DNAJC3: variants seen among roughly 807,000 people sequenced by gnomAD.
DNAJC3 encodes DnaJ heat shock protein family (Hsp40) member C3.
A neutral mutation model predicts 68.6 loss-of-function variants in DNAJC3; 38 were observed. The observed-to-expected ratio is 0.55, with a 90% CI of 0.43 to 0.73. The LOEUF (loss-of-function observed/expected upper bound fraction) is 0.73. Among genes scored for constraint, DNAJC3 ranks in the 30% least tolerant of loss-of-function variants. The pLI is 0.00. For synonymous variants in DNAJC3, 203 were observed against 204.0 expected (o/e 1.00, Z 0.04); for missense variants, 526 against 591.9 (o/e 0.89, Z 1.16).
intron 9 of DNAJC3, among the ~76,000 whole-genome samples, chr13:95,774,065 G>A (rs1159906533): frequency 2.0e-5 from 3 of 152,252 alleles, no homozygotes; most frequent in Admixed American, 1.3e-4. Context: ...CCAACTTCGG[G>A]ATTTGTTAAT....
chr13:95,736,553 G>T (rs1022236300), intron 4 of DNAJC3, among the ~76,000 whole-genome samples: 4 of 149,086 alleles, frequency 2.7e-5, no homozygotes, highest in African/African-American at 7.4e-5. Flanking sequence ...TTGTAAGTTG[G>T]ATTCCTAGGT....
chr13:95,736,603 T>C (rs553541617), intron 4 of DNAJC3, among the ~76,000 whole-genome samples: 2,007 of 151,908 alleles, frequency 0.013, 44 homozygotes, highest in African/African-American at 0.047. Flanking sequence ...GGGAGTTCAC[T>C]CATGATTTGG....
intron 4 of DNAJC3, among the ~76,000 whole-genome samples, chr13:95,732,130 G>A (rs1005170897): frequency 3.3e-5 from 5 of 152,106 alleles, no homozygotes; most frequent in Non-Finnish European, 7.4e-5. Context: ...ACATTGGCCT[G>A]TAGTTTTCTT....
At chr13:95,705,518 CTCTT>C (rs1275560601) in intron 1 of DNAJC3, among the ~76,000 whole-genome samples, 18 of 149,932 alleles carry the variant, frequency 1.2e-4, no homozygotes, top group Non-Finnish European at 2.2e-4. Flanking sequence ...CTCTCTCTCT[CTCTT>C]TTTTTTTTTT....
intron 1 of DNAJC3, among the ~76,000 whole-genome samples, chr13:95,705,217 T>A (rs1880699395): frequency 6.6e-6 from 1 of 152,128 alleles, no homozygotes; most frequent in Non-Finnish European, 1.5e-5. Context: ...TGTTCATGGG[T>A]CCATTGCACA....
chr13:95,688,872 T>C (rs1354988300), intron 1 of DNAJC3, among the ~76,000 whole-genome samples: 1 of 151,836 alleles, frequency 6.6e-6, no homozygotes, highest in Non-Finnish European at 1.5e-5. Context: ...CCACATATGT[T>C]TGCATATGTT....
At chr13:95,783,570 A>T (rs1883512570) in intron 9 of DNAJC3, among the ~76,000 whole-genome samples, 1 of 152,130 alleles carries the variant, frequency 6.6e-6, no homozygotes, top group African/African-American at 2.4e-5. Flanking sequence ...GAAGTTTTTT[A>T]TGTCCCTGTG....
At chr13:95,766,713 G>A (rs958173270) in intron 9 of DNAJC3, among the ~76,000 whole-genome samples, 5 of 123,654 alleles carry the variant, frequency 4.0e-5, no homozygotes, top group Non-Finnish European at 8.4e-5. Context: ...TTTTTTTTTT[G>A]AGATGGAGTC....
At chr13:95,735,041 A>G (rs1255067873) in intron 4 of DNAJC3, among the ~76,000 whole-genome samples, 9 of 147,406 alleles carry the variant, frequency 6.1e-5, no homozygotes, top group East Asian at 2.0e-4. Context: ...TCATTGTTCA[A>G]TTCCCACCTA....
chr13:95,751,767 A>G (rs1882486244), intron 4 of DNAJC3, among the ~76,000 whole-genome samples: 1 of 152,198 alleles, frequency 6.6e-6, no homozygotes, highest in African/African-American at 2.4e-5. Flanking sequence ...GGTAATTTAT[A>G]AAGGAAAGAG....
chr13:95,693,874 C>T (rs1395533518), intron 1 of DNAJC3: 3 of 152,148 alleles, frequency 2.0e-5, no homozygotes, highest in Non-Finnish European at 4.4e-5. Flanking sequence ...TTCACAGACC[C>T]ACGTTACAGC....
chr13:95,723,991 C>G (rs17878370), intron 3 of DNAJC3, among the ~76,000 whole-genome samples: 2 of 151,838 alleles, frequency 1.3e-5, no homozygotes, highest in Non-Finnish European at 2.9e-5. Context: ...ATCAATTAGA[C>G]GGTTTCAGAA....
At chr13:95,728,126 T>C (rs1462185388) in intron 4 of DNAJC3, among the ~76,000 whole-genome samples, 1 of 152,242 alleles carries the variant, frequency 6.6e-6, no homozygotes, top group Non-Finnish European at 1.5e-5. Flanking sequence ...TTTGGGTTGT[T>C]TCCATTTCTT....
intron 4 of DNAJC3, among the ~76,000 whole-genome samples, chr13:95,738,112 T>C (rs1196257366): frequency 6.7e-6 from 1 of 149,784 alleles, no homozygotes; most frequent in Non-Finnish European, 1.5e-5. Flanking sequence ...GGTTGTTCGG[T>C]TTCCATGTAG....
chr13:95,711,838 T>C (rs941904993), intron 2 of DNAJC3, among the ~76,000 whole-genome samples: 3 of 152,168 alleles, frequency 2.0e-5, no homozygotes, highest in Non-Finnish European at 2.9e-5. Context: ...AACGACCCAA[T>C]TGAAATACAC....
intron 1 of DNAJC3, among the ~76,000 whole-genome samples, chr13:95,696,120 A>T (rs1379052217): frequency 6.6e-6 from 1 of 152,206 alleles, no homozygotes; most frequent in Non-Finnish European, 1.5e-5. Flanking sequence ...CATTACACTC[A>T]CATGACGAAA....
chr13:95,682,993 C>T (rs1879964534), intron 1 of DNAJC3, among the ~76,000 whole-genome samples: 2 of 152,134 alleles, frequency 1.3e-5, no homozygotes, highest in Admixed American at 6.5e-5. Flanking sequence ...CTCAAACTTG[C>T]TTTTGATAAG....
intron 7 of DNAJC3, among the ~76,000 whole-genome samples, chr13:95,761,171 C>G (rs183813838): frequency 4.6e-5 from 7 of 152,046 alleles, no homozygotes; most frequent in Admixed American, 3.9e-4. Context: ...AATATGATAC[C>G]AAAGTGATAG....
intron 9 of DNAJC3, among the ~76,000 whole-genome samples, chr13:95,779,367 G>A (rs1277857669): frequency 2.0e-5 from 3 of 151,966 alleles, no homozygotes; most frequent in African/African-American, 4.8e-5. Flanking sequence ...CTCGTGATCT[G>A]CCCACTGCGG....
Sources: gnomAD v4.1 joint callset for allele counts (sites outside exome capture counted in the v4.1 genomes callset) on GRCh38, gnomAD v4.1.1 for gene constraint, MANE v1.5 for transcripts, NCBI Gene and HGNC (gene_info 2026-07-23, HGNC 2026-07-21) for gene names.